Variants in RAB2A observed in about 807,000 individuals in gnomAD.
RAB2A encodes ras-related protein Rab-2A.
Under a neutral mutation model 32.5 loss-of-function variants are expected in RAB2A, and 7 were observed. The observed-to-expected ratio is 0.22, with a 90% CI of 0.12 to 0.40. The LOEUF is 0.40. RAB2A is among the 10% of genes least tolerant of loss of function. The pLI, the probability that RAB2A is intolerant of heterozygous loss-of-function variation, is 1.00. For synonymous variants in RAB2A, 79 were observed against 85.2 expected, an observed-to-expected ratio of 0.93 and a Z score of 0.40; for missense variants, 108 against 260.7, an observed-to-expected ratio of 0.41 and a Z score of 4.03.
intron 6 of RAB2A, among the ~76,000 whole-genome samples, chr8:60,604,446 G>T (rs1385811842): frequency 1.3e-5 from 2 of 152,202 alleles, no homozygotes; most frequent in East Asian, 1.9e-4. Flanking sequence ...ATGAGCAGAG[G>T]TTGGAAGAGT....
In RAB2A at chr8:60,623,439, T is replaced by G. The variant is rs1025944300; in HGVS notation, c.*2670T>G. 10 of 152,162 alleles carry G rather than the reference T, an allele frequency of 6.6e-5. No homozygotes were observed. Among genetic ancestry groups the G allele is most frequent in the African/African-American group, 1.9e-4 (8 of 41,428 alleles). 9.4% of individuals were successfully genotyped at this position (152,162 alleles called of 1,614,324 possible). A position where few individuals can be genotyped will look rare whatever the true frequency, so the allele number is the denominator to read the frequency against. Reference sequence around the variant, plus strand: ...TAGATAGTAAAGCCCCATCTCAGTTTATTTAGTCCTGAGGTTGGCAGCATG... The same window carrying G: ...TAGATAGTAAAGCCCCATCTCAGTTGATTTAGTCCTGAGGTTGGCAGCATG... On this transcript the variant is annotated 3_prime_UTR_variant, in exon 8 of 8. Coordinates refer to ENST00000262646, the MANE Select transcript of RAB2A (RefSeq NM_002865.3).
intron 6 of RAB2A, among the ~76,000 whole-genome samples, chr8:60,596,034 T>C (rs2130856720): frequency 6.6e-6 from 1 of 152,298 alleles, no homozygotes; most frequent in South Asian, 2.1e-4. Context: ...AAATACAACA[T>C]ACCAATTTGT....
intron 2 of RAB2A, among the ~76,000 whole-genome samples, chr8:60,563,323 G>A (rs1375730037): frequency 6.6e-6 from 1 of 152,174 alleles, no homozygotes; most frequent in Non-Finnish European, 1.5e-5. Context: ...ACAGACTAGA[G>A]CCTTGCTCCT....
intron 1 of RAB2A, among the ~76,000 whole-genome samples, chr8:60,534,792 T>C (rs1194737602): frequency 6.6e-6 from 1 of 152,214 alleles, no homozygotes; most frequent in Admixed American, 6.5e-5. Flanking sequence ...GTTTAAGGGA[T>C]TGCTTAACCC....
intron 1 of RAB2A, among the ~76,000 whole-genome samples, chr8:60,548,454 A>G (rs1586075223): frequency 4.2e-5 from 2 of 48,134 alleles, no homozygotes; most frequent in South Asian, 2.8e-3. Flanking sequence ...ACTTCCCAGT[A>G]GGGGCGGCCG....
At chr8:60,559,195 A>G in intron 2 of RAB2A, 1 of 318,054 alleles carries the variant, frequency 3.1e-6, no homozygotes, top group Non-Finnish European at 5.9e-6. Context: ...AAGAGACAGT[A>G]TCCAAGCATG....
At chr8:60,620,570 G>T in intron 7 of RAB2A, 104 bp from the exon 8 acceptor site, 1 of 824,090 alleles carries the variant, frequency 1.2e-6, no homozygotes. Flanking sequence ...ATTTTTCTCA[G>T]TTGTTTGATA....
chr8:60,574,534 G>A (rs1423529809), intron 3 of RAB2A, among the ~76,000 whole-genome samples: 1 of 152,162 alleles, frequency 6.6e-6, no homozygotes, highest in Non-Finnish European at 1.5e-5. Context: ...TGATATTTTA[G>A]GCATAAACCA....
At chr8:60,542,694 C>A (rs989949582) in intron 1 of RAB2A, among the ~76,000 whole-genome samples, 1 of 152,064 alleles carries the variant, frequency 6.6e-6, no homozygotes, top group Non-Finnish European at 1.5e-5. Context: ...AAGAAAGAAA[C>A]AGAAATAGTA....
At chr8:60,556,630 C>A (rs1167336722) in intron 1 of RAB2A, among the ~76,000 whole-genome samples, 1 of 131,412 alleles carries the variant, frequency 7.6e-6, no homozygotes, top group Non-Finnish European at 1.6e-5. Flanking sequence ...TGAGACCCTA[C>A]CTCTTTTTAA....
At chr8:60,523,688 C>T (rs1201808125) in intron 1 of RAB2A, among the ~76,000 whole-genome samples, 2 of 149,698 alleles carry the variant, frequency 1.3e-5, no homozygotes, top group African/African-American at 4.9e-5. Flanking sequence ...TTTTGTTAAC[C>T]TTCATTTTTT....
chr8:60,575,580 T>C (rs1459595930), intron 3 of RAB2A, among the ~76,000 whole-genome samples: 1 of 151,970 alleles, frequency 6.6e-6, no homozygotes, highest in Non-Finnish European at 1.5e-5. Flanking sequence ...AAGGGAAAAT[T>C]AGCCAAATGT....
chr8:60,602,013 G>T (rs1404371753), intron 6 of RAB2A, among the ~76,000 whole-genome samples: 3 of 151,998 alleles, frequency 2.0e-5, no homozygotes, highest in Non-Finnish European at 4.4e-5. Context: ...CAAGTAGCTG[G>T]AATGACAGGT....
At chr8:60,541,905 C>T (rs569658900) in intron 1 of RAB2A, among the ~76,000 whole-genome samples, 1 of 152,226 alleles carries the variant, frequency 6.6e-6, no homozygotes, top group Non-Finnish European at 1.5e-5. Context: ...TCTCTTCTAG[C>T]ATTGACAACA....
chr8:60,554,274 C>CATGG (rs1218062819), intron 1 of RAB2A, among the ~76,000 whole-genome samples: 3 of 152,146 alleles, frequency 2.0e-5, no homozygotes, highest in African/African-American at 7.2e-5. Flanking sequence ...GAGGGTAGAG[C>CATGG]ATGGAATTTA....
At chr8:60,560,091 ATTTTG>A (rs1259124685) in intron 2 of RAB2A, among the ~76,000 whole-genome samples, 1 of 151,686 alleles carries the variant, frequency 6.6e-6, no homozygotes, top group East Asian at 1.9e-4. Context: ...TTGTTTTAAC[ATTTTG>A]TTTTGTTTTT....
chr8:60,596,538 T>G (rs777696784), intron 6 of RAB2A, among the ~76,000 whole-genome samples: 1 of 152,120 alleles, frequency 6.6e-6, no homozygotes, highest in African/African-American at 2.4e-5. Context: ...AACAAACATA[T>G]GAAAACTCAT....
intron 6 of RAB2A, among the ~76,000 whole-genome samples, chr8:60,603,537 T>C (rs148515649): frequency 1.3e-5 from 2 of 152,318 alleles, no homozygotes; most frequent in Non-Finnish European, 2.9e-5. Flanking sequence ...ACGTGGTAAA[T>C]GAATGCAAAG....
intron 6 of RAB2A, among the ~76,000 whole-genome samples, chr8:60,615,073 A>G (rs1804426173): frequency 6.6e-6 from 1 of 152,208 alleles, no homozygotes; most frequent in Admixed American, 6.5e-5. Context: ...TTGTTAACAA[A>G]TATTTTTTCC....
Sources: gnomAD v4.1 joint callset for allele counts (sites outside exome capture counted in the v4.1 genomes callset) on GRCh38, gnomAD v4.1.1 for gene constraint, MANE v1.5 for transcripts, NCBI Gene and HGNC (gene_info 2026-07-23, HGNC 2026-07-21) for gene names.